Variants in CAST observed in about 807,000 individuals in gnomAD.
CAST encodes the protein calpastatin.
In CAST, 76 loss-of-function variants were observed where a neutral mutation model predicts 119.6. The observed-to-expected ratio is 0.64, with a 90% CI of 0.53 to 0.77. CAST has a LOEUF of 0.77. Ranked by LOEUF, CAST falls within the 30% of genes least tolerant of loss-of-function variation. The pLI, the probability that CAST is intolerant of heterozygous loss-of-function variation, is 0.00. For synonymous variants in CAST, 319 were observed against 331.6 expected, an observed-to-expected ratio of 0.96 and a Z score of 0.41; for missense variants, 953 against 946.5, an observed-to-expected ratio of 1.01 and a Z score of -0.09.
the CAST span, among the ~76,000 whole-genome samples, chr5:96,176,514 G>C: frequency 6.6e-6 from 1 of 152,102 alleles, no homozygotes; most frequent in Non-Finnish European, 1.5e-5. Flanking sequence ...AAATTCTTAG[G>C]TAAGATGCCA....
chr5:96,633,833 G>A (rs1469916774), intron 1 of CAST, among the ~76,000 whole-genome samples: 2 of 152,202 alleles, frequency 1.3e-5, no homozygotes, highest in Non-Finnish European at 2.9e-5. Flanking sequence ...GCTTCACCCA[G>A]AAACACACTC....
the CAST span, among the ~76,000 whole-genome samples, chr5:96,032,306 A>G: frequency 6.6e-6 from 1 of 152,086 alleles, no homozygotes; most frequent in Non-Finnish European, 1.5e-5. Context: ...GAGTTCTTGA[A>G]TGCTTCTTAG....
chr5:95,961,445 C>T, the CAST span: 3 of 1,197,280 alleles, frequency 2.5e-6, no homozygotes, highest in Non-Finnish European at 3.2e-6. Flanking sequence ...CCCTGCCCTG[C>T]CTGGCCGCTG....
At chr5:96,753,724 A>G (rs889323167) in intron 20 of CAST, among the ~76,000 whole-genome samples, 1 of 152,234 alleles carries the variant, frequency 6.6e-6, no homozygotes, top group African/African-American at 2.4e-5. Flanking sequence ...TGATCTCCAT[A>G]AAGACCACGT....
intron 1 of CAST, among the ~76,000 whole-genome samples, chr5:96,601,952 C>T (rs1422630659): frequency 6.6e-6 from 1 of 152,212 alleles, no homozygotes; most frequent in Admixed American, 6.5e-5. Context: ...ATCCACTCAA[C>T]TAAGGTCTTC....
chr5:96,599,471 G>A (rs578062889), intron 1 of CAST, among the ~76,000 whole-genome samples: 6 of 151,980 alleles, frequency 3.9e-5, no homozygotes, highest in East Asian at 1.9e-4. Context: ...CTGTAATATC[G>A]GGCTGACTTC....
the CAST span, among the ~76,000 whole-genome samples, chr5:96,407,601 A>G: frequency 1.3e-5 from 2 of 152,328 alleles, no homozygotes; most frequent in Non-Finnish European, 1.5e-5. Context: ...CTGAGTGTTT[A>G]TCCTGAGGAA....
At chr5:96,646,963 A>G (rs909218378) in intron 1 of CAST, among the ~76,000 whole-genome samples, 7 of 152,306 alleles carry the variant, frequency 4.6e-5, no homozygotes, top group Admixed American at 1.3e-4. Flanking sequence ...GTTGCGGACT[A>G]CCAAATGAAA....
At chr5:96,714,824 GAAAACTAGA>G (rs1439634805) in intron 3 of CAST, 4 of 152,116 alleles carry the variant, frequency 2.6e-5, no homozygotes, top group Non-Finnish European at 5.9e-5. Flanking sequence ...AAAAGCACTG[GAAAACTAGA>G]GTTTGGAAAG....
chr5:96,679,689 TG>T (rs1751115269), intron 2 of CAST: 2 of 152,332 alleles, frequency 1.3e-5, no homozygotes, highest in South Asian at 4.1e-4. Flanking sequence ...AAGGAAAAGA[TG>T]TTTTTTTACA....
chr5:96,179,155 A>C, the CAST span, among the ~76,000 whole-genome samples: 3 of 151,904 alleles, frequency 2.0e-5, no homozygotes, highest in African/African-American at 7.3e-5. Context: ...TGGTCTCTCC[A>C]ATCTGATCTC....
the CAST span, among the ~76,000 whole-genome samples, chr5:96,020,984 T>C: frequency 6.6e-6 from 1 of 152,308 alleles, no homozygotes; most frequent in African/African-American, 2.4e-5. Context: ...TCAGTTATTC[T>C]AGATGATTCT....
the CAST span, among the ~76,000 whole-genome samples, chr5:96,236,469 G>A: frequency 6.6e-6 from 1 of 152,142 alleles, no homozygotes; most frequent in Non-Finnish European, 1.5e-5. Context: ...TCTCCTCGGG[G>A]ACTCTAGAGT....
At chr5:96,291,225 C>T in the CAST span, among the ~76,000 whole-genome samples, 3 of 152,184 alleles carry the variant, frequency 2.0e-5, no homozygotes, top group Non-Finnish European at 4.4e-5. Context: ...TCCACAGAAA[C>T]TGTGTGAGGT....
At chr5:96,135,040 G>T in the CAST span, among the ~76,000 whole-genome samples, 4 of 152,158 alleles carry the variant, frequency 2.6e-5, no homozygotes, top group Non-Finnish European at 4.4e-5. Context: ...GAGAAAGCTT[G>T]GCACTTGCAG....
chr5:96,723,427 G>T (rs1053845006), intron 4 of CAST, among the ~76,000 whole-genome samples: 7 of 152,126 alleles, frequency 4.6e-5, no homozygotes, highest in African/African-American at 1.7e-4. Context: ...AAAAATGAAA[G>T]ATTATACTAA....
the CAST span, among the ~76,000 whole-genome samples, chr5:95,982,919 G>T: frequency 6.6e-6 from 1 of 152,110 alleles, no homozygotes; most frequent in African/African-American, 2.4e-5. Context: ...TGATCAAAAA[G>T]CGTGAAAATA....
At chr5:96,502,082 GA>G in the CAST span, among the ~76,000 whole-genome samples, 19,514 of 151,966 alleles carry the variant, frequency 0.13, 2,126 homozygotes, top group East Asian at 0.28. Context: ...TGGAACATTT[GA>G]AAAAAACACA....
the CAST span, among the ~76,000 whole-genome samples, chr5:96,315,564 G>A: frequency 5.9e-5 from 9 of 152,316 alleles, no homozygotes; most frequent in South Asian, 1.0e-3. Context: ...TGACCATATG[G>A]TCATTTGGGT....
Sources: gnomAD v4.1 joint callset for allele counts (sites outside exome capture counted in the v4.1 genomes callset) on GRCh38, gnomAD v4.1.1 for gene constraint, MANE v1.5 for transcripts, NCBI Gene and HGNC (gene_info 2026-07-23, HGNC 2026-07-21) for gene names.